SCLY: variants seen among roughly 807,000 people sequenced by gnomAD.
SCLY encodes the protein selenocysteine lyase.
In SCLY, 38 loss-of-function variants were observed where a neutral mutation model predicts 50.1. The observed-to-expected ratio is 0.76, with a 90% CI of 0.59 to 0.99. The LOEUF is 0.99. SCLY is among the 50% of genes least tolerant of loss of function. SCLY has a pLI of 0.00. For synonymous variants in SCLY, 243 were observed against 249.4 expected (o/e 0.97, Z 0.24); for missense variants, 600 against 620.0 (o/e 0.97, Z 0.34).
At chr2:238,087,751 A>C (rs531820645) in intron 7 of SCLY, among the ~76,000 whole-genome samples, 3 of 152,338 alleles carry the variant, frequency 2.0e-5, no homozygotes, top group African/African-American at 7.2e-5. Context: ...GATGCAAAAA[A>C]TATTTAACAA....
In SCLY at chr2:238,098,581, C is replaced by CCGCCCACATGGGAA. The variant is rs1553568573; in HGVS notation, c.*235_*236insGGGAACGCCCACAT. 1.5e-3 allele frequency: 489 copies of CCGCCCACATGGGAA among 329,124 alleles called. 15 individuals carry two copies. The highest frequency in any genetic ancestry group is 8.1e-3 in the African/African-American group (257 of 31,774). The allele number at this position is 329,124 out of a possible 1,614,324, so 20.4% of individuals were successfully genotyped here. A position where few individuals can be genotyped will look rare whatever the true frequency, so the allele number is the denominator to read the frequency against. ...GCCGCATAGGACTGCCCACATGGGACCGCCCACATAGGACCGCCCACATAG... is the reference window on the plus strand; with the variant it reads ...GCCGCATAGGACTGCCCACATGGGACCGCCCACATGGGAACGCCCACATAGGACCGCCCACATAG... On this transcript the variant is annotated 3_prime_UTR_variant, in exon 12 of 12. Transcript: ENST00000254663.
In SCLY at chr2:238,091,243, G is replaced by C. The variant is rs1228196699; in HGVS notation, c.910G>C (p.Gly304Arg). 1 of 1,613,524 alleles carries C rather than the reference G, an allele frequency of 6.2e-7. No homozygotes were observed. The highest frequency in any genetic ancestry group is 1.7e-5 in the Admixed American group (1 of 60,014). Residue 304 changes from glycine to arginine, a missense_variant, in exon 8 of 12, where the codon GGC (glycine) becomes CGC (arginine). By Grantham distance (125) the Gly-to-Arg change is moderately radical. Transcript: ENST00000254663. ...PGTENTPMIA[G>R]LGKAAELVTQ... is the part of the protein sequence containing the mutation. Reference sequence around the variant, plus strand: ...GACAGAGAACACCCCAATGATTGCTGGCCTTGGGAAGGTGAGCCCTGGTGA... The same window carrying C: ...GACAGAGAACACCCCAATGATTGCTCGCCTTGGGAAGGTGAGCCCTGGTGA...
Position 238,082,225 on chromosome 2 carries a change from C to G in SCLY, c.777+16C>G, listed in dbSNP as rs779681464. 1 of 1,575,906 alleles carries G rather than the reference C, an allele frequency of 6.3e-7. No homozygotes were observed. The highest frequency in any genetic ancestry group is 8.6e-7 in the Non-Finnish European group (1 of 1,158,096). On this transcript the variant is annotated intron_variant, in intron 6 of 11. Transcript: ENST00000254663. ...GGGGCACAAGGTAAGTCTGCAGAGGCTTCCTGCCTCTGTGGGCAGAGCCTA... is the reference window on the plus strand; with the variant it reads ...GGGGCACAAGGTAAGTCTGCAGAGGGTTCCTGCCTCTGTGGGCAGAGCCTA...
rs750391592 is a variant in SCLY at position 238,068,152 on chromosome 2, C to T, written c.290C>T (p.Ser97Phe). 7 of 1,608,004 alleles carry T rather than the reference C, an allele frequency of 4.4e-6. No individual in the cohort carries two copies. The highest frequency in any genetic ancestry group is 2.2e-5 in the East Asian group (1 of 44,604). Residue 97 changes from serine to phenylalanine, a missense_variant, in exon 3 of 12, where the codon TCC becomes TTC. Transcript: ENST00000254663. ...AAACCTCAAGATATAATCTTCACTT[C>T]CGGGGGCACTGAGGTAAAGCTTCTG... ...GGKPQDIIFT[S>F]GGTESNNLVI...
At chr2:238,072,239 G>A (rs888096214) in intron 4 of SCLY, among the ~76,000 whole-genome samples, 9 of 152,056 alleles carry the variant, frequency 5.9e-5, no homozygotes, top group Non-Finnish European at 1.3e-4. Flanking sequence ...TTCTACAGAT[G>A]AACAACATTT....
chr2:238,083,091 G>A lies in SCLY; in HGVS notation c.778-157G>A, dbSNP rs767416186. 2 of 710,208 alleles carry A rather than the reference G, an allele frequency of 2.8e-6. No homozygotes were observed. The highest frequency in any genetic ancestry group is 5.2e-6 in the Non-Finnish European group (2 of 381,682). The allele number at this position is 710,208 out of a possible 1,614,324, so 44.0% of individuals were successfully genotyped here. On this transcript the variant is annotated intron_variant, in intron 6 of 11. Coordinates refer to ENST00000254663, the MANE Select transcript of SCLY (RefSeq NM_016510.7). This position sits in a 1 kb window ranked among gnomAD's most constrained non-coding sequence, Gnocchi z 4.3. ...CTGCCCCGAAGGCTTTTGTGACTCT[G>A]CGTGTCAAAAGGGGTGGCACTCAGA...
chr2:238,081,796 T>G lies in SCLY; in HGVS notation c.572T>G (p.Val191Gly). The G allele has an allele frequency of 6.2e-7, 1 of 1,614,186 alleles. No homozygotes were observed. The highest frequency in any genetic ancestry group is 8.5e-7 in the Non-Finnish European group (1 of 1,180,040). ...GCAGTCCGCCCGACCACACGCCTCG[T>G]GACCATCATGCTGGCCAACAATGAG... ...LAAVRPTTRL[V>G]TIMLANNETG... Residue 191 changes from valine to glycine, a missense_variant, in exon 5 of 12, where the codon GTG becomes GGG. Transcript: ENST00000254663.
intron 10 of SCLY, 166 bp downstream of exon 10, chr2:238,094,688 C>CTG (rs2065407368): frequency 3.2e-6 from 2 of 619,720 alleles, no homozygotes. Flanking sequence ...GGTGGCTGTG[C>CTG]TGTGGTCCAC....
At chr2:238,068,438 A>G (rs2065096739) in intron 3 of SCLY, among the ~76,000 whole-genome samples, 1 of 152,038 alleles carries the variant, frequency 6.6e-6, no homozygotes, top group East Asian at 1.9e-4. Context: ...AGTCCCAGCT[A>G]CTAGGGAAGC....
At chr2:238,061,667 A>G (rs62195978) in intron 1 of SCLY, among the ~76,000 whole-genome samples, 47,775 of 152,030 alleles carry the variant, frequency 0.31, 9,333 homozygotes, top group Admixed American at 0.43. Context: ...GTAACAACCT[A>G]GGAGAGAGAT....
Position 238,069,420 on chromosome 2 carries a change from G to A in SCLY, c.427G>A (p.Val143Met). 2 of 1,613,978 alleles carry A rather than the reference G, an allele frequency of 1.2e-6. No individual in the cohort carries two copies. Among genetic ancestry groups the A allele is most frequent in the Non-Finnish European group, 1.7e-6 (2 of 1,179,938 alleles). ...GAKPHFITSS[V>M]EHDSIRLPLE... The stretch of plus-strand genomic sequence containing the variant: ...CAAGCCCCATTTCATTACTTCCTCG[G>A]TGGAACACGACTCCATCCGGCTGCC... Residue 143 changes from valine (V) to methionine (M), a missense_variant, in exon 4 of 12, where the codon GTG becomes ATG. Transcript: ENST00000254663. This position sits in a 1 kb window ranked among gnomAD's most constrained non-coding sequence, Gnocchi z 5.0.
At chr2:238,094,003 A>G (rs2065398067) in intron 9 of SCLY, 59 bp downstream of exon 9, 1 of 1,469,556 alleles carries the variant, frequency 6.8e-7, no homozygotes, top group East Asian at 2.3e-5. Context: ...AGGTGCCCAG[A>G]GAGGAGGGGT....
chr2:238,067,936 A>G lies in SCLY; in HGVS notation c.203-129A>G. 1.6e-6 allele frequency: 1 copy of G among 631,816 alleles called. No individual in the cohort carries two copies. Among genetic ancestry groups the G allele is most frequent in the Non-Finnish European group, 2.7e-6 (1 of 366,354 alleles). The allele number at this position is 631,816 out of a possible 1,614,324, so 39.1% of individuals were successfully genotyped here. ...TGTAGCATTTTGCTGTGCTCACATT[A>G]AGGGGCCAGGTTTTGTCTTAGAACG... is the stretch of plus-strand genomic sequence containing the variant. On this transcript the variant is annotated intron_variant, in intron 2 of 11. Coordinates refer to ENST00000254663, the MANE Select transcript of SCLY (RefSeq NM_016510.7). The surrounding 1 kb of genome is among the most constrained non-coding windows in gnomAD (Gnocchi z 4.3).
At chr2:238,065,756 C>T (rs2065065983) in intron 2 of SCLY, among the ~76,000 whole-genome samples, 1 of 151,434 alleles carries the variant, frequency 6.6e-6, no homozygotes, top group Non-Finnish European at 1.5e-5. Flanking sequence ...GTCAATGCAA[C>T]CTCCGCCTCC....
intron 2 of SCLY, among the ~76,000 whole-genome samples, chr2:238,065,520 A>C (rs1164263929): frequency 6.6e-6 from 1 of 152,152 alleles, no homozygotes; most frequent in Non-Finnish European, 1.5e-5. Context: ...TTGTTTCCAC[A>C]AATTAAGAAC....
chr2:238,087,133 TGA>T (rs1324681399), intron 7 of SCLY, among the ~76,000 whole-genome samples: 1 of 148,866 alleles, frequency 6.7e-6, no homozygotes, highest in Non-Finnish European at 1.5e-5. Context: ...AAGACCAGCC[TGA>T]GCAACATGGT....
Position 238,099,029 on chromosome 2 carries a change from C to G in SCLY, c.*674C>G, listed in dbSNP as rs994251553. ...CACCACCCCTCCTGCTTCCCCGAGC[C>G]TGACCCTGTTCCGCCCACTGGCAAT... On this transcript the variant is annotated 3_prime_UTR_variant, in exon 12 of 12. Transcript: ENST00000254663. 5.8e-6 allele frequency: 2 copies of G among 342,498 alleles called. No individual in the cohort carries two copies. Among genetic ancestry groups the G allele is most frequent in the African/African-American group, 4.3e-5 (2 of 46,272 alleles). The allele number at this position is 342,498 out of a possible 1,614,324, so 21.2% of individuals were successfully genotyped here. A position where few individuals can be genotyped will look rare whatever the true frequency, so the allele number is the denominator to read the frequency against.
At chr2:238,068,626 A>T (rs2065098419) in intron 3 of SCLY, among the ~76,000 whole-genome samples, 2 of 152,164 alleles carry the variant, frequency 1.3e-5, no homozygotes, top group African/African-American at 4.8e-5. Flanking sequence ...CTTTAAGTAA[A>T]TTCCAGGTAG....
At chr2:238,072,496 C>T (rs1559243800) in intron 4 of SCLY, among the ~76,000 whole-genome samples, 1 of 152,168 alleles carries the variant, frequency 6.6e-6, no homozygotes, top group Non-Finnish European at 1.5e-5. Flanking sequence ...CTTAGTACTC[C>T]TATTTGCAGT....
Sources: gnomAD v4.1 joint callset for allele counts (sites outside exome capture counted in the v4.1 genomes callset) on GRCh38, gnomAD v4.1.1 for gene constraint, Gnocchi (gnomAD v3.1) non-coding constraint, MANE v1.5 for transcripts, NCBI Gene and HGNC (gene_info 2026-07-23, HGNC 2026-07-21) for gene names.